The following GRIA2 variants were observed in gnomAD, a reference collection of about 807,000 sequenced individuals.
GRIA2 encodes the protein glutamate ionotropic receptor AMPA type subunit 2.
GRIA2 carries 14 observed loss-of-function variants against 97.3 expected under a neutral mutation model. The ratio of observed to expected loss-of-function variants is 0.14; its 90% CI spans 0.10 to 0.23. GRIA2 has a LOEUF of 0.23. Among genes scored for constraint, GRIA2 ranks in the 10% least tolerant of loss-of-function variants. GRIA2 has a pLI of 1.00. For missense variants in GRIA2, 558 were observed against 1,069.8 expected (o/e 0.52, Z 6.67); for synonymous variants, 412 against 387.8 (o/e 1.06, Z -0.73).
Position 157,353,016 on chromosome 4 carries a change from C to T in GRIA2, c.2044-6880C>T, listed in dbSNP as rs144642061. ...GAGATTACAGTGAGCCGAGATCGTG[C>T]CACTGCACTTCAGCCTGGGCGACAG... On this transcript the variant is annotated intron_variant, in intron 12 of 15. Coordinates refer to ENST00000264426, the MANE Select transcript of GRIA2 (RefSeq NM_001083619.3). Among the ~76,000 whole-genome samples the T allele has an allele frequency of 2.2e-3, 329 of 151,738 alleles. 1 individual carries two copies. The highest frequency in any genetic ancestry group is 7.3e-3 in the African/African-American group (303 of 41,328).
chr4:157,258,163 C>A (rs1398939387), intron 2 of GRIA2, among the ~76,000 whole-genome samples: 12 of 152,034 alleles, frequency 7.9e-5, no homozygotes, highest in Admixed American at 7.9e-4. Context: ...GACAAAAGAA[C>A]AGGATAACAG....
intron 12 of GRIA2, among the ~76,000 whole-genome samples, chr4:157,355,975 A>ATT (rs1736319002): frequency 9.2e-5 from 6 of 65,468 alleles, no homozygotes; most frequent in Non-Finnish European, 1.5e-4. Context: ...ATATTAATAT[A>ATT]TATATTTATA....
intron 2 of GRIA2, among the ~76,000 whole-genome samples, chr4:157,256,412 ATAAT>A (rs967597591): frequency 1.3e-5 from 2 of 149,998 alleles, no homozygotes; most frequent in African/African-American, 4.9e-5. Context: ...CATGGTAAAC[ATAAT>A]TAGATTCCAA....
chr4:157,332,485 C>T (rs947836944), intron 6 of GRIA2, among the ~76,000 whole-genome samples: 2 of 149,882 alleles, frequency 1.3e-5, no homozygotes, highest in African/African-American at 4.9e-5. Context: ...TGTATATCAC[C>T]ATAGCAGGCT....
rs1037801359 is a variant in GRIA2 at position 157,356,185 on chromosome 4, T to A, written c.2044-3711T>A. ...TATATATTTATATATATTTATATAT[T>A]TATTTATATATATTTATATATATAT... On this transcript the variant is annotated intron_variant, in intron 12 of 15. Transcript: ENST00000264426. Among the ~76,000 whole-genome samples the A allele has an allele frequency of 1.3e-4, 18 of 133,666 alleles. No homozygotes were observed. In the East Asian group the frequency reaches 3.3e-3, roughly 24 times the overall value. The allele number at this position is 133,666 out of a possible 152,430, so 87.7% of individuals were successfully genotyped here.
At chr4:157,228,720 G>C (rs1203254379) in intron 2 of GRIA2, among the ~76,000 whole-genome samples, 3 of 139,182 alleles carry the variant, frequency 2.2e-5, no homozygotes, top group Non-Finnish European at 4.5e-5. Context: ...TTGAACCCAT[G>C]AGAGAGATGT....
intron 2 of GRIA2, among the ~76,000 whole-genome samples, chr4:157,225,809 C>A (rs1312284760): frequency 1.3e-5 from 2 of 151,832 alleles, no homozygotes; most frequent in Non-Finnish European, 2.9e-5. Context: ...AAAAAATCTG[C>A]CTTTTTGTGA....
In GRIA2 at chr4:157,266,434, AC is replaced by A. The variant is rs200513148; in HGVS notation, c.230-37117del. ...AAAGAGCATCCAGGAAAGTAGGAAA[AC>A]AATGCTTAAAGAGTGTGGTGTCGTG... On this transcript the variant is annotated intron_variant, in intron 2 of 15. Coordinates refer to ENST00000264426, the MANE Select transcript of GRIA2 (RefSeq NM_001083619.3). Among the ~76,000 whole-genome samples the A allele has an allele frequency of 9.0e-3, 1,365 of 152,252 alleles. 10 individuals carry two copies. Among genetic ancestry groups the A allele is most frequent in the Non-Finnish European group, 0.015 (1,036 of 68,016 alleles).
chr4:157,255,364 A>T (rs983561200), intron 2 of GRIA2, among the ~76,000 whole-genome samples: 3 of 152,030 alleles, frequency 2.0e-5, no homozygotes, highest in Admixed American at 2.0e-4. Context: ...ATGCGATAAA[A>T]ATACGAGGGC....
chr4:157,289,352 G>A (rs1024647578), intron 2 of GRIA2, among the ~76,000 whole-genome samples: 4 of 151,768 alleles, frequency 2.6e-5, no homozygotes, highest in Non-Finnish European at 4.4e-5. Context: ...GCCCCCAAAT[G>A]TTACATTTAT....
intron 2 of GRIA2, among the ~76,000 whole-genome samples, chr4:157,248,602 TGTATATATACATGTATA>T (rs1561009453): frequency 1.1e-4 from 14 of 126,952 alleles, no homozygotes; most frequent in African/African-American, 4.4e-4. Flanking sequence ...TGTATATATA[TGTATATATACATGTATA>T]TATACGTATA....
intron 2 of GRIA2, among the ~76,000 whole-genome samples, chr4:157,275,964 A>G (rs1221148024): frequency 6.6e-6 from 1 of 152,068 alleles, no homozygotes; most frequent in East Asian, 1.9e-4. Context: ...CAGTATGGCC[A>G]TTTTCACTAC....
intron 5 of GRIA2, among the ~76,000 whole-genome samples, chr4:157,320,989 G>A (rs1014188675): frequency 1.3e-5 from 2 of 152,078 alleles, no homozygotes; most frequent in African/African-American, 4.8e-5. Flanking sequence ...TTTTGAAGAT[G>A]TTCCTATCAC....
chr4:157,269,902 A>C (rs904213383), intron 2 of GRIA2, among the ~76,000 whole-genome samples: 2 of 151,846 alleles, frequency 1.3e-5, no homozygotes, highest in Admixed American at 6.6e-5. Flanking sequence ...GCTTTCTTTT[A>C]TGCTCATATA....
At chr4:157,352,443 C>T (rs1004016866) in intron 12 of GRIA2, among the ~76,000 whole-genome samples, 1 of 152,080 alleles carries the variant, frequency 6.6e-6, no homozygotes, top group African/African-American at 2.4e-5. Context: ...GTTGACCAGG[C>T]ACGGTGGCTC....
At chr4:157,239,168 T>A (rs1730386539) in intron 2 of GRIA2, among the ~76,000 whole-genome samples, 1 of 152,042 alleles carries the variant, frequency 6.6e-6, no homozygotes, top group Admixed American at 6.6e-5. Flanking sequence ...TCCCATGAAA[T>A]ACCCAACTTC....
chr4:157,339,842 A>G (rs1434271690), intron 11 of GRIA2, among the ~76,000 whole-genome samples: 1 of 151,960 alleles, frequency 6.6e-6, no homozygotes, highest in African/African-American at 2.4e-5. Flanking sequence ...GATTTTGTCT[A>G]CATAAGGCAT....
chr4:157,293,875 G>A (rs1419854122), intron 2 of GRIA2, among the ~76,000 whole-genome samples: 1 of 152,092 alleles, frequency 6.6e-6, no homozygotes, highest in African/African-American at 2.4e-5. Context: ...TCAAGGGTGT[G>A]TGAGTCCATT....
intron 9 of GRIA2, 22 bp downstream of exon 9, chr4:157,334,142 G>T: frequency 8.9e-7 from 1 of 1,123,810 alleles, no homozygotes; most frequent in Non-Finnish European, 1.4e-6. Flanking sequence ...CATATGCCAT[G>T]TTTTACTTTG....
Sources: allele counts gnomAD v4.1 joint callset (sites outside exome capture counted in the v4.1 genomes callset), GRCh38; gene constraint gnomAD v4.1.1; transcripts MANE v1.5; gene names NCBI Gene and HGNC (gene_info 2026-07-23, HGNC 2026-07-21).